Variants in CNTN4 observed in about 807,000 individuals in gnomAD.
The protein encoded by CNTN4 is contactin 4.
A neutral mutation model predicts 122.5 loss-of-function variants in CNTN4; 77 were observed. That is an observed-to-expected ratio of 0.63 (90% CI 0.52 to 0.76). The LOEUF (loss-of-function observed/expected upper bound fraction) is 0.76. Ranked by LOEUF, CNTN4 falls within the 30% of genes least tolerant of loss-of-function variation. The pLI is 0.00. For missense variants in CNTN4, 1,256 were observed against 1,259.1 expected, an observed-to-expected ratio of 1.00 and a Z score of 0.04; for synonymous variants, 512 against 447.0, an observed-to-expected ratio of 1.15 and a Z score of -1.83.
At chr3:2,634,582 G>T (rs1262724312) in intron 4 of CNTN4, among the ~76,000 whole-genome samples, 1 of 151,702 alleles carries the variant, frequency 6.6e-6, no homozygotes, top group Non-Finnish European at 1.5e-5. Flanking sequence ...TGTAATCCCA[G>T]CACTTGGGGA....
chr3:2,269,910 GTTTGTTTATTTATTTA>G lies in CNTN4; in HGVS notation c.-144-69264_-144-69249del, dbSNP rs1287108539. Among the ~76,000 whole-genome samples the G allele has an allele frequency of 1.3e-3, 34 of 26,664 alleles. 10 individuals carry two copies. Among genetic ancestry groups the G allele is most frequent in the Admixed American group, 5.5e-3 (9 of 1,630 alleles). The allele number at this position is 26,664 out of a possible 152,430, so 17.5% of individuals were successfully genotyped here. ...CCTATTATAGCCAGTTTGTTTGTTT[GTTTGTTTATTTATTTA>G]TTTATTTATTTATTTATTTATTTAT... On this transcript the variant is annotated intron_variant, in intron 2 of 24. Transcript: ENST00000418658.
At chr3:2,517,623 T>A (rs2077076916) in intron 3 of CNTN4, among the ~76,000 whole-genome samples, 1 of 152,178 alleles carries the variant, frequency 6.6e-6, no homozygotes, top group East Asian at 1.9e-4. Context: ...GTAATATGTT[T>A]AGGTCTTCCA....
At chr3:2,803,558 C>CTTT (rs34822164) in intron 6 of CNTN4, among the ~76,000 whole-genome samples, 4 of 140,708 alleles carry the variant, frequency 2.8e-5, no homozygotes, top group African/African-American at 2.6e-5. Context: ...GTGGTAAATT[C>CTTT]TTTTTTTTTT....
intron 4 of CNTN4, among the ~76,000 whole-genome samples, chr3:2,646,432 T>C (rs1041329616): frequency 3.3e-5 from 5 of 152,188 alleles, no homozygotes; most frequent in African/African-American, 1.2e-4. Flanking sequence ...AATTCGGGAA[T>C]AATAAAAAGT....
chr3:2,123,031 G>A (rs1316888204), intron 2 of CNTN4, among the ~76,000 whole-genome samples: 1 of 152,186 alleles, frequency 6.6e-6, no homozygotes, highest in Non-Finnish European at 1.5e-5. Context: ...GAATTACACA[G>A]CAAGTAGAAG....
intron 3 of CNTN4, among the ~76,000 whole-genome samples, chr3:2,405,592 T>A (rs2047005435): frequency 9.6e-6 from 1 of 104,034 alleles, no homozygotes; most frequent in African/African-American, 3.3e-5. Flanking sequence ...CTGTTATAGA[T>A]AGGTAGATAG....
chr3:2,364,253 T>C (rs940486490), intron 3 of CNTN4, among the ~76,000 whole-genome samples: 1 of 152,202 alleles, frequency 6.6e-6, no homozygotes, highest in Non-Finnish European at 1.5e-5. Flanking sequence ...TAAATGGAAA[T>C]AATATTTATC....
intron 14 of CNTN4, among the ~76,000 whole-genome samples, chr3:2,995,708 A>T (rs1301510806): frequency 6.6e-6 from 1 of 152,214 alleles, no homozygotes; most frequent in African/African-American, 2.4e-5. Flanking sequence ...TTTTTTACAT[A>T]TGAGACTGGC....
At chr3:2,120,414 T>A (rs2033691970) in intron 2 of CNTN4, among the ~76,000 whole-genome samples, 2 of 104,748 alleles carry the variant, frequency 1.9e-5, no homozygotes, top group South Asian at 3.2e-4. Flanking sequence ...TATTTTTTTT[T>A]TTTTTTTTAT....
chr3:2,778,195 CAG>C (rs1253162788), intron 6 of CNTN4, among the ~76,000 whole-genome samples: 8 of 118,568 alleles, frequency 6.7e-5, no homozygotes, highest in African/African-American at 1.2e-4. Flanking sequence ...GCCTGGGCGA[CAG>C]AGCGAGACTC....
chr3:2,279,898 C>G, intron 2 of CNTN4, among the ~76,000 whole-genome samples: 1 of 150,266 alleles, frequency 6.7e-6, no homozygotes, highest in East Asian at 1.9e-4. Context: ...CTTTATATAT[C>G]TATAAATCTA....
rs773904843 is a variant in CNTN4, at chr3:3,042,399, A to G, written c.2488A>G (p.Arg830Gly). 6.2e-7 allele frequency: 1 copy of G among 1,612,848 alleles called. No individual in the cohort carries two copies. Among genetic ancestry groups the G allele is most frequent in the South Asian group, 1.1e-5 (1 of 91,056 alleles). ...CTGGGCCTCCCCACTGGAGAAGAAT[A>G]GAGGACGAATACAAGGTTATGAGGT... The part of the protein sequence containing the change: ...VFWASPLEKN[R>G]GRIQGYEVKY... Residue 830 changes from arginine to glycine, a missense_variant, in exon 21 of 25, where the codon AGA (arginine) becomes GGA (glycine). By Grantham distance (125) the Arg-to-Gly change is moderately radical (BLOSUM62 -2). Coordinates refer to ENST00000418658, the MANE Select transcript of CNTN4 (RefSeq NM_175607.3).
rs527753912 is a variant in CNTN4, at chr3:2,485,733, C to G, written c.-88-85683C>G. ...ACCAATCAGCATCCTGTGTGTAGCTCAAGGTTTGTAAATGCACCAATCAGT... is the reference window on the plus strand; with the variant it reads ...ACCAATCAGCATCCTGTGTGTAGCTGAAGGTTTGTAAATGCACCAATCAGT... On this transcript the variant is annotated intron_variant, in intron 3 of 24. Coordinates refer to ENST00000418658, the MANE Select transcript of CNTN4 (RefSeq NM_175607.3). Among the ~76,000 whole-genome samples, 118 of 152,214 alleles carry G rather than the reference C, an allele frequency of 7.8e-4. 1 individual carries two copies. The highest frequency in any genetic ancestry group is 1.5e-3 in the Non-Finnish European group (101 of 68,020).
At chr3:2,600,688 T>C (rs1324064396) in intron 4 of CNTN4, among the ~76,000 whole-genome samples, 1 of 152,220 alleles carries the variant, frequency 6.6e-6, no homozygotes, top group African/African-American at 2.4e-5. Context: ...TATAGCAGCA[T>C]GATTTATAGT....
rs1047056104 is a variant in CNTN4 at position 3,038,987 on chromosome 3, T to G, written c.2147T>G (p.Leu716Arg). The change falls in exon 19 of 25, where the codon CTG (leucine) becomes CGG (arginine). Residue 716 changes from leucine to arginine, a missense_variant. Physicochemically the swap from Leu to Arg is moderately radical, Grantham distance 102 (BLOSUM62 -2). Transcript: ENST00000418658. ...GGTGGCGGAGGCAGCAAATCTGAACTGGTTATAACCTGGGAGGTAAATGAA... is the reference window on the plus strand; with the variant it reads ...GGTGGCGGAGGCAGCAAATCTGAACGGGTTATAACCTGGGAGGTAAATGAA... The part of the protein sequence containing the change: ...VSGGGGSKSE[L>R]VITWETVPEE... 2 of 1,613,846 alleles carry G rather than the reference T, an allele frequency of 1.2e-6. No individual in the cohort carries two copies. The highest frequency in any genetic ancestry group is 1.7e-6 in the Non-Finnish European group (2 of 1,179,828).
chr3:2,450,408 A>T (rs1045549554), intron 3 of CNTN4, among the ~76,000 whole-genome samples: 21 of 146,068 alleles, frequency 1.4e-4, no homozygotes, highest in African/African-American at 4.9e-4. Context: ...AATAAAAAAG[A>T]TGCCAGTCAG....
chr3:2,348,901 CT>C (rs980578502), intron 3 of CNTN4, among the ~76,000 whole-genome samples: 47 of 152,234 alleles, frequency 3.1e-4, no homozygotes, highest in Admixed American at 1.2e-3. Flanking sequence ...CTTTCTTGGG[CT>C]CAAGCTTCCC....
At chr3:2,437,112 T>C (rs1399932268) in intron 3 of CNTN4, among the ~76,000 whole-genome samples, 1 of 152,122 alleles carries the variant, frequency 6.6e-6, no homozygotes, top group African/African-American at 2.4e-5. Flanking sequence ...ACTTTTTTTC[T>C]GCTTTCTACC....
chr3:2,776,932 T>C (rs1355925280), intron 6 of CNTN4, among the ~76,000 whole-genome samples: 2 of 152,010 alleles, frequency 1.3e-5, no homozygotes, highest in Admixed American at 1.3e-4. Context: ...ACATTGAAAA[T>C]CCCTAATTTG....
Sources: gnomAD v4.1 joint callset for allele counts (sites outside exome capture counted in the v4.1 genomes callset) on GRCh38, gnomAD v4.1.1 for gene constraint, MANE v1.5 for transcripts, NCBI Gene and HGNC (gene_info 2026-07-23, HGNC 2026-07-21) for gene names.